The following PPARGC1A variants were observed in gnomAD, a reference collection of about 807,000 sequenced individuals.
PPARGC1A encodes the protein PPARG coactivator 1 alpha.
Under a neutral mutation model 88.7 loss-of-function variants are expected in PPARGC1A, and 25 were observed. That is an observed-to-expected ratio of 0.28 (90% confidence interval 0.21 to 0.39). The LOEUF (loss-of-function observed/expected upper bound fraction) is 0.39, where lower values mean the gene tolerates loss of function less well. PPARGC1A is among the 10% of genes least tolerant of loss of function. The pLI is 1.00. For missense variants in PPARGC1A, 880 were observed against 968.7 expected, an observed-to-expected ratio of 0.91 and a Z score of 1.22; for synonymous variants, 363 against 355.6, an observed-to-expected ratio of 1.02 and a Z score of -0.24.
chr4:24,247,016 T>C, the PPARGC1A span, among the ~76,000 whole-genome samples: 4 of 152,236 alleles, frequency 2.6e-5, no homozygotes. Flanking sequence ...CTTCCAACAG[T>C]ATTTTCAGGT....
the PPARGC1A span, among the ~76,000 whole-genome samples, chr4:23,977,983 T>C: frequency 6.6e-6 from 1 of 152,248 alleles, no homozygotes; most frequent in African/African-American, 2.4e-5. Context: ...CATTGTACAA[T>C]AGGGAAGAGA....
At chr4:24,326,836 G>C in the PPARGC1A span, among the ~76,000 whole-genome samples, 2 of 152,136 alleles carry the variant, frequency 1.3e-5, no homozygotes, top group African/African-American at 4.8e-5. Flanking sequence ...TTTTAGCCTA[G>C]CCCTCATGTC....
chr4:24,380,153 C>A, the PPARGC1A span, among the ~76,000 whole-genome samples: 1 of 151,762 alleles, frequency 6.6e-6, no homozygotes, highest in African/African-American at 2.4e-5. Flanking sequence ...TAAAGGGAAA[C>A]AAAATCATAA....
the PPARGC1A span, among the ~76,000 whole-genome samples, chr4:24,036,051 C>T: frequency 2.6e-5 from 4 of 152,148 alleles, no homozygotes; most frequent in South Asian, 2.1e-4. Flanking sequence ...CTCTCTTTGA[C>T]GCTGACTAGC....
chr4:23,884,985 T>A (rs1199030046), intron 1 of PPARGC1A, 54 bp from the exon 2 acceptor site: 1 of 1,437,958 alleles, frequency 7.0e-7, no homozygotes. Context: ...CCACAGGAAT[T>A]TATTAAACTG....
chr4:24,014,025 C>T, the PPARGC1A span, among the ~76,000 whole-genome samples: 2 of 152,178 alleles, frequency 1.3e-5, no homozygotes, highest in Admixed American at 6.5e-5. Flanking sequence ...CTTCCTCGTG[C>T]AATGCTGTAG....
chr4:24,356,285 C>T, the PPARGC1A span, among the ~76,000 whole-genome samples: 1 of 152,010 alleles, frequency 6.6e-6, no homozygotes, highest in Admixed American at 6.5e-5. Context: ...TACAGGGATT[C>T]CCTTTCAGTC....
intron 10 of PPARGC1A, among the ~76,000 whole-genome samples, chr4:23,805,117 T>C (rs937991091): frequency 1.4e-5 from 2 of 143,528 alleles, no homozygotes; most frequent in Admixed American, 7.4e-5. Flanking sequence ...TTAATCATCT[T>C]GAACACTTAT....
chr4:24,147,019 C>T, the PPARGC1A span, among the ~76,000 whole-genome samples: 1 of 152,126 alleles, frequency 6.6e-6, no homozygotes, highest in Non-Finnish European at 1.5e-5. Flanking sequence ...AGTAACAACC[C>T]CATAAAGACT....
At chr4:24,235,220 A>G in the PPARGC1A span, among the ~76,000 whole-genome samples, 1 of 152,216 alleles carries the variant, frequency 6.6e-6, no homozygotes, top group African/African-American at 2.4e-5. Flanking sequence ...CATTTATAAG[A>G]ATCAAGAAAG....
the PPARGC1A span, among the ~76,000 whole-genome samples, chr4:24,278,538 C>T: frequency 6.6e-6 from 1 of 152,102 alleles, no homozygotes. Flanking sequence ...AAAAAACAGA[C>T]AGTGGACAAA....
the PPARGC1A span, among the ~76,000 whole-genome samples, chr4:24,284,872 C>T: frequency 1.3e-5 from 2 of 152,000 alleles, no homozygotes; most frequent in Admixed American, 6.6e-5. Flanking sequence ...ACCAAAAATA[C>T]AAAAAATTAG....
the PPARGC1A span, among the ~76,000 whole-genome samples, chr4:23,946,267 C>T: frequency 6.6e-6 from 1 of 152,128 alleles, no homozygotes; most frequent in African/African-American, 2.4e-5. Context: ...TGCTGACTTG[C>T]AGTCTGGGAG....
chr4:24,356,216 A>AAGAG, the PPARGC1A span, among the ~76,000 whole-genome samples: 98 of 150,334 alleles, frequency 6.5e-4, no homozygotes, highest in Non-Finnish European at 8.4e-4. Context: ...AAAAAAAAAA[A>AAGAG]AGAGAGAGAG....
the PPARGC1A span, among the ~76,000 whole-genome samples, chr4:24,297,819 G>C: frequency 1.3e-5 from 2 of 152,132 alleles, no homozygotes; most frequent in Non-Finnish European, 2.9e-5. Context: ...AGACAAAACA[G>C]GTTGCTAATA....
intron 2 of PPARGC1A, among the ~76,000 whole-genome samples, chr4:23,863,842 G>A (rs922120916): frequency 2.1e-4 from 32 of 152,140 alleles, no homozygotes; most frequent in African/African-American, 7.5e-4. Context: ...TGCCTCCCAG[G>A]TTCAAGTGAT....
the PPARGC1A span, among the ~76,000 whole-genome samples, chr4:24,142,185 G>A: frequency 1.3e-5 from 2 of 152,200 alleles, no homozygotes; most frequent in African/African-American, 4.8e-5. Flanking sequence ...TCCATAGAGT[G>A]TTTGAAGCAC....
At chr4:24,058,786 A>T in the PPARGC1A span, among the ~76,000 whole-genome samples, 1 of 152,148 alleles carries the variant, frequency 6.6e-6, no homozygotes, top group Non-Finnish European at 1.5e-5. Context: ...TCTCTACTAA[A>T]AATACAAAAT....
the PPARGC1A span, among the ~76,000 whole-genome samples, chr4:24,013,456 A>T: frequency 6.6e-6 from 1 of 151,860 alleles, no homozygotes; most frequent in Non-Finnish European, 1.5e-5. Context: ...CTTTGTATTC[A>T]TCGTTAAACA....
Sources: gnomAD v4.1 joint callset for allele counts (sites outside exome capture counted in the v4.1 genomes callset) on GRCh38, gnomAD v4.1.1 for gene constraint, MANE v1.5 for transcripts, NCBI Gene and HGNC (gene_info 2026-07-23, HGNC 2026-07-21) for gene names.